DISC1: variants seen among roughly 807,000 people sequenced by gnomAD.
DISC1 encodes DISC1 scaffold protein, also known as disrupted in schizophrenia 1 protein.
Under a neutral mutation model 84.5 loss-of-function variants are expected in DISC1, and 57 were observed. The observed-to-expected ratio is 0.67, with a 90% CI of 0.55 to 0.84. The LOEUF (loss-of-function observed/expected upper bound fraction) is 0.84. Ranked by LOEUF, DISC1 falls within the 40% of genes least tolerant of loss-of-function variation. The pLI is 0.00. For missense variants in DISC1, 1,000 were observed against 1,057.8 expected (o/e 0.95, Z 0.76); for synonymous variants, 411 against 415.2 (o/e 0.99, Z 0.12).
At chr1:231,742,434 C>T (rs2073402471) in intron 3 of DISC1, among the ~76,000 whole-genome samples, 1 of 152,130 alleles carries the variant, frequency 6.6e-6, no homozygotes, top group South Asian at 2.1e-4. Flanking sequence ...TGAAGCTATG[C>T]AATTGCTGGT....
At chr1:232,019,977 GAGAAC>G (rs1010434937) in intron 11 of DISC1, among the ~76,000 whole-genome samples, 2 of 152,122 alleles carry the variant, frequency 1.3e-5, no homozygotes, top group Non-Finnish European at 2.9e-5. Context: ...TAGAAGGGAA[GAGAAC>G]ACCATGTCTA....
At chr1:231,803,587 G>A (rs1233698030) in intron 8 of DISC1, among the ~76,000 whole-genome samples, 2 of 152,194 alleles carry the variant, frequency 1.3e-5, no homozygotes, top group East Asian at 3.9e-4. Flanking sequence ...TGTGCCCTAG[G>A]ACCTCTTGCA....
Position 231,961,652 on chromosome 1 carries a change from T to G in DISC1, c.2042+2764T>G, listed in dbSNP as rs533253827. On this transcript the variant is annotated intron_variant, in intron 10 of 12. Transcript: ENST00000439617. Reference sequence around the variant, plus strand: ...CAGTGTTTGGTTTTTCGTTCCTACATTAATTTGCTTAGAATAATGGCCTCC... The same window carrying G: ...CAGTGTTTGGTTTTTCGTTCCTACAGTAATTTGCTTAGAATAATGGCCTCC... Among the ~76,000 whole-genome samples the G allele has an allele frequency of 4.6e-5, 7 of 152,322 alleles. No homozygotes were observed. In the South Asian group the frequency reaches 1.5e-3, roughly 32 times the overall value.
chr1:231,817,280 T>A (rs1214253814), intron 8 of DISC1, among the ~76,000 whole-genome samples: 3 of 152,166 alleles, frequency 2.0e-5, no homozygotes, highest in Non-Finnish European at 4.4e-5. Flanking sequence ...AGATAGGGTT[T>A]CGCCATGTTG....
chr1:231,695,647 G>C (rs891218748), intron 2 of DISC1, among the ~76,000 whole-genome samples: 1 of 151,728 alleles, frequency 6.6e-6, no homozygotes, highest in African/African-American at 2.4e-5. Flanking sequence ...GTGCATGTTT[G>C]TGCTGTGTGT....
chr1:231,725,389 T>G (rs986439535), intron 3 of DISC1, among the ~76,000 whole-genome samples: 3 of 152,138 alleles, frequency 2.0e-5, no homozygotes, highest in Non-Finnish European at 4.4e-5. Context: ...CCCTTATTGC[T>G]CATTAGCATA....
chr1:231,708,365 G>A (rs1377508577), intron 3 of DISC1, among the ~76,000 whole-genome samples: 3 of 152,186 alleles, frequency 2.0e-5, no homozygotes, highest in Admixed American at 2.0e-4. Context: ...AAATTTGACT[G>A]CATGAAAGTG....
chr1:231,998,507 A>C (rs1165800919), intron 10 of DISC1, among the ~76,000 whole-genome samples: 1 of 152,218 alleles, frequency 6.6e-6, no homozygotes, highest in Non-Finnish European at 1.5e-5. Flanking sequence ...TTCTAAGAGC[A>C]GGTCAATTAT....
At position 231,875,774 on chromosome 1, in the gene DISC1, C is replaced by T. The variant is rs998572883; in HGVS notation, c.1981+57257C>T. Among the ~76,000 whole-genome samples the T allele has an allele frequency of 3.3e-5, 5 of 152,186 alleles. No homozygotes were observed. In the East Asian group the frequency reaches 9.6e-4, roughly 29 times the overall value. On this transcript the variant is annotated intron_variant, in intron 9 of 12. Transcript: ENST00000439617. ...CTCTTCTCCTTCCTTCCAACTTTCTCCTAAGGTCTATAATGGACAACTTAG... is the reference window on the plus strand; with the variant it reads ...CTCTTCTCCTTCCTTCCAACTTTCTTCTAAGGTCTATAATGGACAACTTAG...
chr1:231,649,830 T>C (rs1231709583), intron 1 of DISC1, among the ~76,000 whole-genome samples: 1 of 152,202 alleles, frequency 6.6e-6, no homozygotes, highest in East Asian at 1.9e-4. Flanking sequence ...TTTGTCTCTT[T>C]TGATCTTTGC....
intron 10 of DISC1, among the ~76,000 whole-genome samples, chr1:231,986,899 A>G (rs1231930119): frequency 6.6e-6 from 1 of 152,160 alleles, no homozygotes; most frequent in Non-Finnish European, 1.5e-5. Context: ...CTGGAACCTT[A>G]TACTGATTCA....
chr1:231,771,969 TA>T (rs1289931283), intron 6 of DISC1, among the ~76,000 whole-genome samples: 17 of 56,598 alleles, frequency 3.0e-4, no homozygotes, highest in African/African-American at 7.5e-4. Context: ...CACATCTGGC[TA>T]TTTTTTTTTT....
intron 9 of DISC1, among the ~76,000 whole-genome samples, chr1:231,852,409 G>A (rs1290779020): frequency 3.3e-5 from 5 of 152,188 alleles, no homozygotes; most frequent in Non-Finnish European, 7.4e-5. Flanking sequence ...TGATATAGGA[G>A]AACTACTCAC....
At chr1:231,988,920 T>C (rs1204450980) in intron 10 of DISC1, among the ~76,000 whole-genome samples, 1 of 152,208 alleles carries the variant, frequency 6.6e-6, no homozygotes, top group Non-Finnish European at 1.5e-5. Flanking sequence ...CCCCGAACAA[T>C]GCTGACCCAT....
chr1:231,791,036 C>CCAGGCT (rs2078311565), intron 6 of DISC1, among the ~76,000 whole-genome samples: 1 of 152,196 alleles, frequency 6.6e-6, no homozygotes, highest in South Asian at 2.1e-4. Flanking sequence ...CAGCCACCCC[C>CCAGGCT]CAGGCTCATC....
intron 3 of DISC1, among the ~76,000 whole-genome samples, chr1:231,738,305 C>CT (rs1197836074): frequency 6.6e-6 from 1 of 152,232 alleles, no homozygotes. Flanking sequence ...AGTGATGCTC[C>CT]TTTCTCCTTT....
At chr1:231,755,036 A>G (rs1333717690) in intron 4 of DISC1, among the ~76,000 whole-genome samples, 1 of 152,142 alleles carries the variant, frequency 6.6e-6, no homozygotes. Flanking sequence ...ATTAAAAGAC[A>G]TTTTTCAATT....
At chr1:231,701,929 A>T in intron 2 of DISC1, 26 bp from the exon 3 acceptor site, 1 of 1,562,774 alleles carries the variant, frequency 6.4e-7, no homozygotes, top group Non-Finnish European at 8.7e-7. Context: ...GTAATTTTTT[A>T]TTTTTTCCCC....
At chr1:231,943,556 T>G (rs551351588) in intron 9 of DISC1, among the ~76,000 whole-genome samples, 1 of 152,232 alleles carries the variant, frequency 6.6e-6, no homozygotes, top group East Asian at 1.9e-4. Flanking sequence ...TTCTTGGTTA[T>G]CCTAGCAAGG....
Sources: allele counts gnomAD v4.1 joint callset (sites outside exome capture counted in the v4.1 genomes callset), GRCh38; gene constraint gnomAD v4.1.1; transcripts MANE v1.5; gene names NCBI Gene and HGNC (gene_info 2026-07-23, HGNC 2026-07-21).